The following GBE1 variants were observed in gnomAD, a reference collection of about 807,000 sequenced individuals.
GBE1 encodes 1,4-alpha-glucan-branching enzyme.
In GBE1, 70 loss-of-function variants were observed where a neutral mutation model predicts 88.8. The observed-to-expected ratio is 0.79, with a 90% CI of 0.65 to 0.96. The LOEUF (loss-of-function observed/expected upper bound fraction) is 0.96, where lower values mean the gene tolerates loss of function less well. Ranked by LOEUF, GBE1 falls within the 40% of genes least tolerant of loss-of-function variation. GBE1 has a pLI of 0.00. For missense variants in GBE1, 872 were observed against 871.0 expected, an observed-to-expected ratio of 1.00 and a Z score of -0.01; for synonymous variants, 284 against 300.1, an observed-to-expected ratio of 0.95 and a Z score of 0.56.
rs557665292 is a variant in GBE1, at chr3:81,581,770, C to T, written c.1336-495G>A. ...AGTTAATTATCATCAAATAATTACC[C>T]TCTTAACAGACCACACATTTTGTGT... is the stretch of plus-strand genomic sequence containing the variant. On this transcript the variant is annotated intron_variant, in intron 10 of 15. Coordinates refer to ENST00000429644, the MANE Select transcript of GBE1 (RefSeq NM_000158.4). 1.9e-4 allele frequency among the ~76,000 whole-genome samples: 29 copies of T among 152,154 alleles called. 1 individual carries two copies. The South Asian group carries it at 5.6e-3, about 29-fold the overall frequency.
intron 15 of GBE1, among the ~76,000 whole-genome samples, chr3:81,496,058 G>A (rs140476330): frequency 3.7e-4 from 57 of 152,280 alleles, no homozygotes; most frequent in African/African-American, 1.3e-3. Context: ...TCAGAGGAGA[G>A]AAAGGAAGTC....
chr3:81,615,012 A>G (rs909640972), intron 7 of GBE1, among the ~76,000 whole-genome samples: 1 of 151,770 alleles, frequency 6.6e-6, no homozygotes, highest in African/African-American at 2.4e-5. Context: ...ACAGAATGAG[A>G]CTTTTTTCTC....
intron 2 of GBE1, among the ~76,000 whole-genome samples, chr3:81,692,182 C>T (rs1705530608): frequency 6.6e-6 from 1 of 152,150 alleles, no homozygotes; most frequent in South Asian, 2.1e-4. Context: ...CTTCTATATT[C>T]ACCATATTTT....
intron 1 of GBE1, among the ~76,000 whole-genome samples, chr3:81,752,139 T>C (rs539005374): frequency 6.6e-6 from 1 of 152,244 alleles, no homozygotes; most frequent in South Asian, 2.1e-4. Flanking sequence ...GTTTTATGCA[T>C]CTTATGGCAA....
At chr3:81,492,198 A>G (rs1463574576) in intron 15 of GBE1, among the ~76,000 whole-genome samples, 1 of 152,238 alleles carries the variant, frequency 6.6e-6, no homozygotes, top group Non-Finnish European at 1.5e-5. Context: ...CATGTATTTC[A>G]GTGCTACAAA....
At position 81,601,031 on chromosome 3, in the gene GBE1, C is replaced by T. The variant is rs553969710; in HGVS notation, c.993-7008G>A. Among the ~76,000 whole-genome samples the T allele has an allele frequency of 4.6e-5, 7 of 152,142 alleles. No individual in the cohort carries two copies. In the South Asian group the frequency reaches 1.5e-3, roughly 32 times the overall value. On this transcript the variant is annotated intron_variant, in intron 7 of 15. Coordinates refer to ENST00000429644, the MANE Select transcript of GBE1 (RefSeq NM_000158.4). ...TCAATGGTATTTGAATTTGCACTAGCTTTGCTAAATAATATATATGTTTCT... is the reference window on the plus strand; with the variant it reads ...TCAATGGTATTTGAATTTGCACTAGTTTTGCTAAATAATATATATGTTTCT...
At position 81,519,431 on chromosome 3, in the gene GBE1, A is replaced by G. The variant is rs1013016932; in HGVS notation, c.1934+15764T>C. ...CAACATTGTAACAGTTTGAAATGCCATTTGGAAAGGGGGCTGTTACTACAC... is the reference window on the plus strand; with the variant it reads ...CAACATTGTAACAGTTTGAAATGCCGTTTGGAAAGGGGGCTGTTACTACAC... On this transcript the variant is annotated intron_variant, in intron 14 of 15. Coordinates refer to ENST00000429644, the MANE Select transcript of GBE1 (RefSeq NM_000158.4). Among the ~76,000 whole-genome samples the G allele has an allele frequency of 3.3e-5, 5 of 151,406 alleles. No individual in the cohort carries two copies. In the East Asian group the frequency reaches 9.7e-4, roughly 29 times the overall value.
chr3:81,519,252 A>G (rs889568571), intron 14 of GBE1, among the ~76,000 whole-genome samples: 5 of 151,534 alleles, frequency 3.3e-5, no homozygotes, highest in Admixed American at 2.6e-4. Context: ...TTACATTTTA[A>G]AAAGTGCATC....
chr3:81,506,481 TA>T (rs1702655989), intron 14 of GBE1, among the ~76,000 whole-genome samples: 1 of 152,144 alleles, frequency 6.6e-6, no homozygotes, highest in African/African-American at 2.4e-5. Context: ...ACCAATAAAT[TA>T]GTTTGAACAT....
At chr3:81,688,252 T>C (rs1308113783) in intron 2 of GBE1, among the ~76,000 whole-genome samples, 3 of 152,232 alleles carry the variant, frequency 2.0e-5, no homozygotes, top group African/African-American at 7.2e-5. Context: ...CCATAGCACT[T>C]ACTAACTACA....
intron 12 of GBE1, among the ~76,000 whole-genome samples, chr3:81,567,950 C>T (rs992189962): frequency 6.6e-6 from 1 of 152,184 alleles, no homozygotes; most frequent in Admixed American, 6.5e-5. Context: ...TATGATCTAA[C>T]TCCTGCCTGC....
chr3:81,554,599 A>C (rs1703321178), intron 12 of GBE1, among the ~76,000 whole-genome samples: 1 of 152,196 alleles, frequency 6.6e-6, no homozygotes, highest in Non-Finnish European at 1.5e-5. Context: ...TCCCTAGTCA[A>C]TTACTCTTTA....
At chr3:81,521,633 A>C (rs984810983) in intron 14 of GBE1, among the ~76,000 whole-genome samples, 5 of 151,570 alleles carry the variant, frequency 3.3e-5, no homozygotes, top group Admixed American at 6.6e-5. Context: ...ACAAAAAGTT[A>C]AAAGAAGAGA....
intron 14 of GBE1, among the ~76,000 whole-genome samples, chr3:81,524,614 T>G (rs1430120694): frequency 6.6e-6 from 1 of 151,922 alleles, no homozygotes; most frequent in Non-Finnish European, 1.5e-5. Context: ...TCTAGCTTCA[T>G]TTTTCCACAT....
At chr3:81,528,239 G>T (rs1352870537) in intron 14 of GBE1, among the ~76,000 whole-genome samples, 1 of 127,940 alleles carries the variant, frequency 7.8e-6, no homozygotes, top group Non-Finnish European at 1.6e-5. Context: ...AGGGGGGAGG[G>T]GGGAGGGATA....
intron 1 of GBE1, among the ~76,000 whole-genome samples, chr3:81,741,875 ATATATAT>A (rs915594513): frequency 6.8e-6 from 1 of 147,696 alleles, no homozygotes; most frequent in Non-Finnish European, 1.5e-5. Context: ...ATAATATATA[ATATATAT>A]TATAACTAGA....
At chr3:81,547,201 G>A (rs981241500) in intron 12 of GBE1, among the ~76,000 whole-genome samples, 1 of 151,390 alleles carries the variant, frequency 6.6e-6, no homozygotes, top group Non-Finnish European at 1.5e-5. Context: ...AGATTTAAAG[G>A]CTCCTCTCAG....
At chr3:81,638,204 A>G (rs1306406131) in intron 7 of GBE1, among the ~76,000 whole-genome samples, 3 of 152,112 alleles carry the variant, frequency 2.0e-5, no homozygotes, top group Non-Finnish European at 4.4e-5. Context: ...CTAGTTGCTC[A>G]AGAAAAGAGA....
rs577896277 is a variant in GBE1, at chr3:81,746,194, C to A, written c.143+15181G>T. Among the ~76,000 whole-genome samples the A allele has an allele frequency of 2.6e-5, 4 of 152,200 alleles. No individual in the cohort carries two copies. The South Asian group carries it at 8.3e-4, about 32-fold the overall frequency. On this transcript the variant is annotated intron_variant, in intron 1 of 15. Transcript: ENST00000429644. ...TTCAATGTATATAAATAAAGGCAAT[C>A]GTTTTCATAATGTAGAAGTGAAGAC... is the stretch of plus-strand genomic sequence containing the variant.
Sources: allele counts gnomAD v4.1 joint callset (sites outside exome capture counted in the v4.1 genomes callset), GRCh38; gene constraint gnomAD v4.1.1; transcripts MANE v1.5; gene names NCBI Gene and HGNC (gene_info 2026-07-23, HGNC 2026-07-21).